CENPP: variants seen among roughly 807,000 people sequenced by gnomAD.
CENPP encodes centromere protein P.
A neutral mutation model predicts 35.6 loss-of-function variants in CENPP; 24 were observed. The ratio of observed to expected loss-of-function variants is 0.67; its 90% confidence interval spans 0.49 to 0.95. The LOEUF (loss-of-function observed/expected upper bound fraction) is 0.95, where lower values mean the gene tolerates loss of function less well. Among genes scored for constraint, CENPP ranks in the 40% least tolerant of loss-of-function variants. The pLI, the probability that CENPP is intolerant of heterozygous loss-of-function variation, is 0.00. For synonymous variants in CENPP, 120 were observed against 125.5 expected (o/e 0.96, Z 0.29); for missense variants, 332 against 345.3 (o/e 0.96, Z 0.31).
chr9:92,441,879 T>A (rs2131004242), intron 5 of CENPP, among the ~76,000 whole-genome samples: 1 of 152,272 alleles, frequency 6.6e-6, no homozygotes, highest in East Asian at 1.9e-4. Context: ...AGTTGGCAAG[T>A]TGAACATTTG....
chr9:92,494,674 C>T (rs561457173), intron 5 of CENPP, among the ~76,000 whole-genome samples: 2 of 152,104 alleles, frequency 1.3e-5, no homozygotes, highest in African/African-American at 4.8e-5. Flanking sequence ...TTTGGGAGGC[C>T]GAGGCGGTCT....
intron 5 of CENPP, among the ~76,000 whole-genome samples, chr9:92,599,585 T>G (rs1850860004): frequency 6.6e-6 from 1 of 151,976 alleles, no homozygotes; most frequent in Non-Finnish European, 1.5e-5. Flanking sequence ...CCTGGCTAAT[T>G]TTTGTATTTT....
At chr9:92,463,092 G>T (rs1845176883) in intron 5 of CENPP, among the ~76,000 whole-genome samples, 1 of 152,320 alleles carries the variant, frequency 6.6e-6, no homozygotes, top group South Asian at 2.1e-4. Flanking sequence ...GCTGACAAAT[G>T]TTAGCACACT....
Position 92,406,921 on chromosome 9 carries a change from AG to A in CENPP, c.564+27063del, listed in dbSNP as rs1843322638. On this transcript the variant is annotated intron_variant, in intron 5 of 7. Transcript: ENST00000375587. ...CCAACAGCAATTTCAGGAGATTCCT[AG>A]AACCACTCTTATTACATTTGATAAT... Among the ~76,000 whole-genome samples the A allele has an allele frequency of 2.6e-5, 4 of 152,302 alleles. No homozygotes were observed. In the South Asian group the frequency reaches 8.3e-4, roughly 32 times the overall value.
At chr9:92,332,764 T>C (rs9409667) in intron 2 of CENPP, among the ~76,000 whole-genome samples, 88,404 of 151,312 alleles carry the variant, frequency 0.58, 28,375 homozygotes, top group African/African-American at 0.86. Flanking sequence ...GCTGAGATTG[T>C]GCCATTGCAC....
chr9:92,362,315 A>ATGATCAAGCTACTGC (rs1841775561), intron 4 of CENPP, among the ~76,000 whole-genome samples: 1 of 152,162 alleles, frequency 6.6e-6, no homozygotes, highest in African/African-American at 2.4e-5. Context: ...GCAGTGAGCT[A>ATGATCAAGCTACTGC]TGATCAAGCT....
rs1359447694 is a variant in CENPP, at chr9:92,614,554, A to T, written c.*1405A>T. 1.3e-5 allele frequency: 2 copies of T among 152,704 alleles called. No individual in the cohort carries two copies. Among genetic ancestry groups the T allele is most frequent in the Non-Finnish European group, 2.9e-5 (2 of 68,046 alleles). 9.5% of individuals were successfully genotyped at this position (152,704 alleles called of 1,614,324 possible). A position where few individuals can be genotyped will look rare whatever the true frequency, so the allele number is the denominator to read the frequency against. ...AGAATTGAACAATAAATTCTAGAAG[A>T]GTTGCCTTGATTCAAACAAGTATAA... On this transcript the variant is annotated 3_prime_UTR_variant, in exon 8 of 8. Coordinates refer to ENST00000375587, the MANE Select transcript of CENPP (RefSeq NM_001012267.3).
rs552700741 is a variant in CENPP, at chr9:92,400,064, T to A, written c.564+20205T>A. On this transcript the variant is annotated intron_variant, in intron 5 of 7. Coordinates refer to ENST00000375587, the MANE Select transcript of CENPP (RefSeq NM_001012267.3). ...TATTGGTAATTTTAGTTGGATTGTT[T>A]TAAATTTATAAATTTAGAAAGAACT... Among the ~76,000 whole-genome samples, 34 of 152,354 alleles carry A rather than the reference T, an allele frequency of 2.2e-4. No individual in the cohort carries two copies. In the South Asian group the frequency reaches 6.8e-3, roughly 31 times the overall value.
intron 5 of CENPP, among the ~76,000 whole-genome samples, chr9:92,437,183 C>A (rs1302458112): frequency 6.6e-6 from 1 of 152,154 alleles, no homozygotes; most frequent in Non-Finnish European, 1.5e-5. Context: ...GCCTGGGCAA[C>A]AAGAGCGAAA....
At chr9:92,415,295 G>A in intron 5 of CENPP, 1 of 1,613,648 alleles carries the variant, frequency 6.2e-7, no homozygotes, top group Non-Finnish European at 8.5e-7. Context: ...TGTGTCTTTA[G>A]TTGTATTGTT....
intron 5 of CENPP, among the ~76,000 whole-genome samples, chr9:92,609,205 G>T (rs1347618595): frequency 6.6e-6 from 1 of 152,262 alleles, no homozygotes; most frequent in Admixed American, 6.5e-5. Context: ...GCCTCTGGCA[G>T]GTGCAGCTGG....
intron 5 of CENPP, among the ~76,000 whole-genome samples, chr9:92,506,914 T>A (rs1407116242): frequency 1.3e-5 from 2 of 152,004 alleles, no homozygotes; most frequent in African/African-American, 2.4e-5. Flanking sequence ...AAATTTTATT[T>A]TATTTTATTT....
rs530888041 is a variant in CENPP at position 92,613,056 on chromosome 9, T to C, written c.774T>C (p.Ala258=). 6.2e-7 allele frequency: 1 copy of C among 1,614,128 alleles called. No homozygotes were observed. The highest frequency in any genetic ancestry group is 8.5e-7 in the Non-Finnish European group (1 of 1,179,988). Residue 258 remains alanine (A), a synonymous_variant, in exon 8 of 8, where the codon GCT becomes GCC. Transcript: ENST00000375587. ...ELDKNRAIET[A]PLSFRTLVGL... is the part of the protein sequence containing the mutation. ...ACAAGAACAGAGCCATAGAAACTGC[T>C]CCTCTCAGCTTCCGAACCCTGGTAG...
intron 4 of CENPP, among the ~76,000 whole-genome samples, chr9:92,347,319 G>A (rs1401602708): frequency 6.6e-6 from 1 of 152,224 alleles, no homozygotes; most frequent in African/African-American, 2.4e-5. Flanking sequence ...ATTACAAAAG[G>A]AAGAGTAGTG....
At chr9:92,409,448 T>C (rs1180319381) in intron 5 of CENPP, among the ~76,000 whole-genome samples, 1 of 152,042 alleles carries the variant, frequency 6.6e-6, no homozygotes, top group African/African-American at 2.4e-5. Context: ...ATGGAGCTGA[T>C]TAAGTGTGTT....
intron 5 of CENPP, among the ~76,000 whole-genome samples, chr9:92,425,550 CT>C: frequency 6.6e-6 from 1 of 152,084 alleles, no homozygotes; most frequent in Non-Finnish European, 1.5e-5. Context: ...GGGGGGAATT[CT>C]TTTAAGCTTT....
At chr9:92,602,068 T>C (rs1160962460) in intron 5 of CENPP, among the ~76,000 whole-genome samples, 1 of 152,130 alleles carries the variant, frequency 6.6e-6, no homozygotes, top group Non-Finnish European at 1.5e-5. Context: ...CAGCTGATGA[T>C]GCCAGAGAGT....
intron 5 of CENPP, among the ~76,000 whole-genome samples, chr9:92,427,321 C>T (rs1843992749): frequency 6.6e-6 from 1 of 152,112 alleles, no homozygotes. Context: ...CACCACCACA[C>T]CCAGCTAATT....
At chr9:92,331,123 C>G (rs1840732901) in intron 1 of CENPP, among the ~76,000 whole-genome samples, 1 of 152,162 alleles carries the variant, frequency 6.6e-6, no homozygotes, top group African/African-American at 2.4e-5. Context: ...ATAAAACGTT[C>G]TGTGGTGTTT....
Sources: gnomAD v4.1 joint callset for allele counts (sites outside exome capture counted in the v4.1 genomes callset) on GRCh38, gnomAD v4.1.1 for gene constraint, MANE v1.5 for transcripts, NCBI Gene and HGNC (gene_info 2026-07-23, HGNC 2026-07-21) for gene names.